TMC2: variants seen among roughly 807,000 people sequenced by gnomAD.
TMC2 encodes transmembrane channel like 2, also known as transmembrane channel-like protein 2.
Under a neutral mutation model 105.9 loss-of-function variants are expected in TMC2, and 102 were observed. The ratio of observed to expected loss-of-function variants is 0.96; its 90% CI spans 0.82 to 1.14. The LOEUF is 1.14. TMC2 is among the 50% of genes most tolerant of loss of function. TMC2 has a pLI of 0.00. For synonymous variants in TMC2, 402 were observed against 422.8 expected (o/e 0.95, Z 0.60); for missense variants, 1,093 against 1,134.3 (o/e 0.96, Z 0.52).
At chr20:2,576,913 G>GT (rs71193977) in intron 5 of TMC2, among the ~76,000 whole-genome samples, 1,931 of 106,112 alleles carry the variant, frequency 0.018, 56 homozygotes, top group African/African-American at 0.065. Context: ...TTTTTTTTTT[G>GT]TTTTTTTTTT....
chr20:2,587,502 A>G (rs2086239174), intron 7 of TMC2, among the ~76,000 whole-genome samples: 1 of 146,530 alleles, frequency 6.8e-6, no homozygotes, highest in South Asian at 2.2e-4. Context: ...GGGGATCACT[A>G]TTAGACCTCA....
chr20:2,549,921 G>A (rs1333941815), intron 2 of TMC2, among the ~76,000 whole-genome samples: 2 of 151,966 alleles, frequency 1.3e-5, no homozygotes, highest in Non-Finnish European at 2.9e-5. Context: ...AGTGGCTCAC[G>A]CCTGTAATTC....
intron 2 of TMC2, among the ~76,000 whole-genome samples, chr20:2,547,935 C>T (rs139417107): frequency 1.7e-3 from 264 of 152,330 alleles, no homozygotes; most frequent in African/African-American, 4.7e-3. Context: ...TCTGGAACAA[C>T]TAGGCATTTT....
In TMC2 at chr20:2,625,032, CTG is replaced by C. The variant is rs371140715; in HGVS notation, c.2306+638_2306+639del. ...CATTAGAGAACAAGTTCGAAAATCT[CTG>C]TATCCCCGGTGCCAGCCTAATGCCT... On this transcript the variant is annotated intron_variant, in intron 17 of 19. Transcript: ENST00000358864. Among the ~76,000 whole-genome samples, 358 of 152,336 alleles carry C rather than the reference CTG, an allele frequency of 2.4e-3. 2 individuals are homozygous for C. The highest frequency in any genetic ancestry group is 7.0e-3 in the African/African-American group (292 of 41,576).
intron 17 of TMC2, among the ~76,000 whole-genome samples, chr20:2,631,181 T>C (rs919477352): frequency 4.6e-5 from 7 of 152,238 alleles, no homozygotes; most frequent in African/African-American, 1.2e-4. Flanking sequence ...TATAATAGTA[T>C]ACAAAAACCT....
At chr20:2,559,950 G>C (rs530957683) in intron 3 of TMC2, among the ~76,000 whole-genome samples, 3 of 152,312 alleles carry the variant, frequency 2.0e-5, no homozygotes, top group African/African-American at 7.2e-5. Flanking sequence ...CAAGGCATTA[G>C]AGAGATGAAA....
intron 11 of TMC2, 60 bp downstream of exon 11, chr20:2,602,361 C>T (rs994600109): frequency 8.0e-7 from 1 of 1,253,738 alleles, no homozygotes; most frequent in East Asian, 2.7e-5. Flanking sequence ...TCACTGGTTC[C>T]TATGCCATTC....
chr20:2,634,233 G>A (rs1364655509), intron 17 of TMC2, among the ~76,000 whole-genome samples: 1 of 152,188 alleles, frequency 6.6e-6, no homozygotes, highest in Non-Finnish European at 1.5e-5. Context: ...CCAGCCTGGA[G>A]GGGAACTGGA....
At chr20:2,594,225 CTTTT>C (rs565664102) in intron 8 of TMC2, among the ~76,000 whole-genome samples, 7 of 113,750 alleles carry the variant, frequency 6.2e-5, no homozygotes, top group Admixed American at 1.0e-4. Flanking sequence ...CTAAGGATTC[CTTTT>C]TTTTTTTTTT....
At chr20:2,635,070 G>C (rs556953371) in intron 17 of TMC2, among the ~76,000 whole-genome samples, 5 of 152,354 alleles carry the variant, frequency 3.3e-5, no homozygotes, top group African/African-American at 9.6e-5. Flanking sequence ...GACATAAAAA[G>C]CTAGCAGATA....
intron 2 of TMC2, among the ~76,000 whole-genome samples, chr20:2,542,095 G>A (rs1568499642): frequency 6.6e-6 from 1 of 152,016 alleles, no homozygotes; most frequent in Non-Finnish European, 1.5e-5. Flanking sequence ...ACCTTCCTAG[G>A]TTCAGTGACT....
At chr20:2,586,066 T>C (rs1385266705) in intron 7 of TMC2, among the ~76,000 whole-genome samples, 1 of 152,160 alleles carries the variant, frequency 6.6e-6, no homozygotes, top group Non-Finnish European at 1.5e-5. Flanking sequence ...GTGATTCACA[T>C]CCCTTCCACA....
rs1375426521 is a variant in TMC2, at chr20:2,602,114, A to C, written c.1226A>C (p.Glu409Ala). Residue 409 changes from glutamate (E) to alanine (A), a missense_variant and splice_region_variant, in exon 11 of 20, where the codon GAA becomes GCA. By Grantham distance (107) the Glu-to-Ala change is moderately radical. Coordinates refer to ENST00000358864, the MANE Select transcript of TMC2 (RefSeq NM_080751.3). Reference sequence around the variant, plus strand: ...CACATCTCATTTTCACACATTAAGGAATCAATAGTGGATGAACAAGAGAGT... The same window carrying C: ...CACATCTCATTTTCACACATTAAGGCATCAATAGTGGATGAACAAGAGAGT... ...KYASITTSFK[E>A]SIVDEQESNK... 2 of 1,607,748 alleles carry C rather than the reference A, an allele frequency of 1.2e-6. No individual in the cohort carries two copies. The highest frequency in any genetic ancestry group is 3.4e-5 in the Admixed American group (2 of 59,306).
intron 4 of TMC2, among the ~76,000 whole-genome samples, chr20:2,563,021 T>C (rs111598889): frequency 0.016 from 2,422 of 152,062 alleles, 73 homozygotes; most frequent in African/African-American, 0.053. Flanking sequence ...TGCTAAAAAG[T>C]TCCTATCCAA....
chr20:2,602,184 G>A lies in TMC2; in HGVS notation c.1296G>A (p.Leu432=), dbSNP rs1158755362. 1.2e-6 allele frequency: 2 copies of A among 1,613,376 alleles called. No homozygotes were observed. Among genetic ancestry groups the A allele is most frequent in the Admixed American group, 1.7e-5 (1 of 59,892 alleles). ...ATCTGACAAGATTTCTTCGTGTCCT[G>A]GCCAACTTTCTCATCATCTGCTGTT... ...NIHLTRFLRV[L]ANFLIICCLC... Residue 432 remains leucine (L), a synonymous_variant, in exon 11 of 20, where the codon CTG becomes CTA. Transcript: ENST00000358864.
intron 19 of TMC2, among the ~76,000 whole-genome samples, chr20:2,640,331 A>C (rs6083920): frequency 0.43 from 65,061 of 152,052 alleles, 15,763 homozygotes; most frequent in East Asian, 0.55. Flanking sequence ...CCAATTTCTT[A>C]GTAACTGGAA....
chr20:2,637,279 C>G (rs941201576), intron 18 of TMC2, among the ~76,000 whole-genome samples, 195 bp from the exon 19 acceptor site: 1 of 151,068 alleles, frequency 6.6e-6, no homozygotes, highest in East Asian at 2.0e-4. Context: ...CCCAGCTACT[C>G]GAGAGGCTGA....
intron 4 of TMC2, among the ~76,000 whole-genome samples, chr20:2,565,191 C>T (rs528681510): frequency 2.0e-5 from 3 of 152,332 alleles, no homozygotes; most frequent in East Asian, 1.9e-4. Context: ...TATATACAGC[C>T]AGTCTTTGCT....
chr20:2,573,649 C>T lies in TMC2; in HGVS notation c.645+1380C>T, dbSNP rs551880662. Reference sequence around the variant, plus strand: ...GACCTCGGCTCACTGCGAGCTCTGCCTCCCGGGTTCACGCCATTCTCCTGC... The same window carrying T: ...GACCTCGGCTCACTGCGAGCTCTGCTTCCCGGGTTCACGCCATTCTCCTGC... On this transcript the variant is annotated intron_variant, in intron 5 of 19. Coordinates refer to ENST00000358864, the MANE Select transcript of TMC2 (RefSeq NM_080751.3). Among the ~76,000 whole-genome samples the T allele has an allele frequency of 6.9e-4, 104 of 150,648 alleles. 1 individual carries two copies. The highest frequency in any genetic ancestry group is 1.7e-3 in the South Asian group (8 of 4,774).
Sources: gnomAD v4.1 joint callset for allele counts (sites outside exome capture counted in the v4.1 genomes callset) on GRCh38, gnomAD v4.1.1 for gene constraint, MANE v1.5 for transcripts, NCBI Gene and HGNC (gene_info 2026-07-23, HGNC 2026-07-21) for gene names.